The following CNN3 variants were observed in gnomAD, a reference collection of about 807,000 sequenced individuals.
CNN3 encodes calponin 3.
CNN3 carries 11 observed loss-of-function variants against 39.0 expected under a neutral mutation model. That is an observed-to-expected ratio of 0.28 (90% confidence interval 0.18 to 0.47). The LOEUF is 0.47. Among genes scored for constraint, CNN3 ranks in the 20% least tolerant of loss-of-function variants. The pLI is 0.99. For synonymous variants in CNN3, 101 were observed against 138.3 expected (o/e 0.73, Z 1.89); for missense variants, 266 against 403.4 (o/e 0.66, Z 2.92).
chr1:94,906,660 T>G (rs577190430), intron 1 of CNN3, among the ~76,000 whole-genome samples: 2 of 152,326 alleles, frequency 1.3e-5, no homozygotes, highest in East Asian at 3.9e-4. Flanking sequence ...ACTGGATGCC[T>G]GCACTAGGTC....
At chr1:94,910,310 C>T (rs998055201) in intron 1 of CNN3, among the ~76,000 whole-genome samples, 1 of 152,182 alleles carries the variant, frequency 6.6e-6, no homozygotes, top group Non-Finnish European at 1.5e-5. Flanking sequence ...GGCAAAGTCT[C>T]TGTCCTAAAA....
intron 1 of CNN3, among the ~76,000 whole-genome samples, chr1:94,924,929 G>A (rs974089888): frequency 3.3e-5 from 5 of 152,154 alleles, no homozygotes; most frequent in African/African-American, 1.2e-4. Context: ...AAATGGGTTT[G>A]GTGCTTAAAG....
chr1:94,919,090 T>C (rs948591928), intron 1 of CNN3, among the ~76,000 whole-genome samples: 1 of 151,992 alleles, frequency 6.6e-6, no homozygotes, highest in African/African-American at 2.4e-5. Flanking sequence ...GAATAAACCT[T>C]GAAATGAAAA....
rs534865708 is a variant in CNN3, at chr1:94,927,071, G to T, written c.-177C>A. The T allele has an allele frequency of 7.1e-5, 42 of 595,214 alleles. No individual in the cohort carries two copies. The African/African-American group carries it at 7.7e-4, about 11-fold the overall frequency. 36.9% of individuals were successfully genotyped at this position (595,214 alleles called of 1,614,324 possible). ...TGCCTGGGCGACTGGGTCCAACTGG[G>T]TGCTACAGAGCCTCGAGCTCCGCTG... On this transcript the variant is annotated 5_prime_UTR_variant, in exon 1 of 7. Transcript: ENST00000370206.
intron 1 of CNN3, among the ~76,000 whole-genome samples, chr1:94,918,364 T>C (rs1015997682): frequency 6.6e-6 from 1 of 151,496 alleles, no homozygotes; most frequent in Admixed American, 6.6e-5. Context: ...CATGGTGGCA[T>C]AGGCCTGTAG....
Position 94,926,403 on chromosome 1 carries a change from C to A in CNN3, c.57+435G>T, listed in dbSNP as rs566929665. Among the ~76,000 whole-genome samples the A allele has an allele frequency of 6.6e-6, 1 of 152,318 alleles. No individual in the cohort carries two copies. Among genetic ancestry groups the A allele is most frequent in the African/African-American group, 2.4e-5 (1 of 41,584 alleles). ...GCGCGGAGTCCGCCAGCACCCGGGG[C>A]CCGGGCAGATGGCGGGGGCTGCGGC... On this transcript the variant is annotated intron_variant, in intron 1 of 6. Coordinates refer to ENST00000370206, the MANE Select transcript of CNN3 (RefSeq NM_001839.5). This position sits in a 1 kb window ranked among gnomAD's most constrained non-coding sequence, Gnocchi z 4.2.
At chr1:94,910,626 A>T (rs1349535750) in intron 1 of CNN3, among the ~76,000 whole-genome samples, 1 of 152,192 alleles carries the variant, frequency 6.6e-6, no homozygotes, top group African/African-American at 2.4e-5. Flanking sequence ...TTTCAAGTCA[A>T]ACTTCAAAAC....
Position 94,920,268 on chromosome 1 carries a change from G to T in CNN3, c.57+6570C>A, listed in dbSNP as rs1382589608. On this transcript the variant is annotated intron_variant, in intron 1 of 6. Transcript: ENST00000370206. Reference sequence around the variant, plus strand: ...CACGCTGCCTGGTGGTGGAGTCCTGGATAAGGACTCTGGGGCAGATCACAT... The same window carrying T: ...CACGCTGCCTGGTGGTGGAGTCCTGTATAAGGACTCTGGGGCAGATCACAT... Among the ~76,000 whole-genome samples, 3 of 152,162 alleles carry T rather than the reference G, an allele frequency of 2.0e-5. No individual in the cohort carries two copies. The East Asian group carries it at 5.8e-4, about 29-fold the overall frequency.
intron 1 of CNN3, among the ~76,000 whole-genome samples, chr1:94,923,578 TATC>T (rs1200279840): frequency 6.6e-6 from 1 of 152,098 alleles, no homozygotes; most frequent in African/African-American, 2.4e-5. Context: ...TGCCATGTAT[TATC>T]ATCTTACCAA....
chr1:94,913,559 T>A (rs1227420350), intron 1 of CNN3, among the ~76,000 whole-genome samples: 3 of 152,146 alleles, frequency 2.0e-5, no homozygotes, highest in Admixed American at 6.5e-5. Context: ...CAATTCTGAG[T>A]GATGCATTCT....
chr1:94,898,425 G>C (rs2101714363), intron 6 of CNN3, among the ~76,000 whole-genome samples: 1 of 152,314 alleles, frequency 6.6e-6, no homozygotes, highest in East Asian at 1.9e-4. Context: ...GAGACATAAA[G>C]AATGTGAAAT....
At chr1:94,913,620 G>A (rs1486128298) in intron 1 of CNN3, among the ~76,000 whole-genome samples, 1 of 152,202 alleles carries the variant, frequency 6.6e-6, no homozygotes, top group Non-Finnish European at 1.5e-5. Context: ...TAAACTAGGT[G>A]GGGAAGGGAT....
intron 1 of CNN3, among the ~76,000 whole-genome samples, chr1:94,906,395 G>A (rs1424930919): frequency 6.6e-6 from 1 of 152,066 alleles, no homozygotes; most frequent in Non-Finnish European, 1.5e-5. Context: ...AAGGGGATAG[G>A]CAAAGAAGAA....
chr1:94,907,671 T>C (rs892741176), intron 1 of CNN3, among the ~76,000 whole-genome samples: 1 of 152,094 alleles, frequency 6.6e-6, no homozygotes, highest in African/African-American at 2.4e-5. Context: ...CCATCCTGGC[T>C]AACACGGTGA....
chr1:94,897,750 C>G lies in CNN3; in HGVS notation c.982G>C (p.Asp328His). The G allele has an allele frequency of 1.2e-6, 2 of 1,612,706 alleles. No individual in the cohort carries two copies. The highest frequency in any genetic ancestry group is 8.5e-7 in the Non-Finnish European group (1 of 1,178,960). The change falls in exon 7 of 7, where the codon GAT (aspartate) becomes CAT (histidine). Residue 328 changes from aspartate (D) to histidine (H), a missense_variant. By Grantham distance (81) the Asp-to-His change is moderately conservative (BLOSUM62 -1). Transcript: ENST00000370206. ...RDYQYSDQGI[D>H]Y ...GCTCCTTCTGTGTGGATCTAATAAT[C>G]AATGCCTTGGTCGCTATATTGGTAA... is the stretch of plus-strand genomic sequence containing the variant.
Position 94,926,491 on chromosome 1 carries a change from G to C in CNN3, c.57+347C>G, listed in dbSNP as rs1290586840. On this transcript the variant is annotated intron_variant, in intron 1 of 6. Coordinates refer to ENST00000370206, the MANE Select transcript of CNN3 (RefSeq NM_001839.5). This position sits in a 1 kb window ranked among gnomAD's most constrained non-coding sequence, Gnocchi z 4.2. ...CGCCTAAGGGCGAGTGGCCACGCAG[G>C]AGCGCCCCCTTCCCGGAGGGCGCGT... Among the ~76,000 whole-genome samples, 1 of 152,172 alleles carries C rather than the reference G, an allele frequency of 6.6e-6. No homozygotes were observed. Among genetic ancestry groups the C allele is most frequent in the Non-Finnish European group, 1.5e-5 (1 of 68,020 alleles).
At chr1:94,912,342 A>C (rs967736736) in intron 1 of CNN3, among the ~76,000 whole-genome samples, 15 of 152,204 alleles carry the variant, frequency 9.9e-5, no homozygotes, top group African/African-American at 3.4e-4. Flanking sequence ...GTGGGTATCA[A>C]GCAGCTCACT....
At chr1:94,912,647 T>C (rs1454232558) in intron 1 of CNN3, among the ~76,000 whole-genome samples, 3 of 152,206 alleles carry the variant, frequency 2.0e-5, no homozygotes, top group Non-Finnish European at 4.4e-5. Context: ...GCCTGATACA[T>C]AGTGGGCACT....
chr1:94,910,712 C>G (rs1050954902), intron 1 of CNN3, among the ~76,000 whole-genome samples: 2 of 152,166 alleles, frequency 1.3e-5, no homozygotes. Context: ...GGGTAGACTC[C>G]TTCCTTCCAG....
Sources: allele counts gnomAD v4.1 joint callset (sites outside exome capture counted in the v4.1 genomes callset), GRCh38; gene constraint gnomAD v4.1.1; non-coding constraint Gnocchi (gnomAD v3.1); transcripts MANE v1.5; gene names NCBI Gene and HGNC (gene_info 2026-07-23, HGNC 2026-07-21).